Variants in PLEC observed in about 807,000 individuals in gnomAD.
PLEC encodes the protein plectin.
A neutral mutation model predicts 392.8 loss-of-function variants in PLEC; 216 were observed. The observed-to-expected ratio is 0.55, with a 90% confidence interval of 0.49 to 0.62. The LOEUF (loss-of-function observed/expected upper bound fraction) is 0.62, where lower values mean the gene tolerates loss of function less well. Ranked by LOEUF, PLEC falls within the 20% of genes least tolerant of loss-of-function variation. The pLI is 0.00. For synonymous variants in PLEC, 3,621 were observed against 2,980.6 expected, an observed-to-expected ratio of 1.21 and a Z score of -7.00; for missense variants, 6,863 against 6,563.4, an observed-to-expected ratio of 1.05 and a Z score of -1.58.
At chr8:143,941,296 A>C (rs1830411189), upstream of PLEC, among the ~76,000 whole-genome samples, 2 of 152,202 alleles carry the variant, frequency 1.3e-5, no homozygotes, top group African/African-American at 4.8e-5. Flanking sequence ...AGTCCACGAC[A>C]GCTGGAAACT....
upstream of PLEC, among the ~76,000 whole-genome samples, chr8:143,954,560 A>G (rs574698336): frequency 2.6e-5 from 4 of 151,562 alleles, no homozygotes; most frequent in South Asian, 8.4e-4. This position sits in a 1 kb window ranked among gnomAD's most constrained non-coding sequence, Gnocchi z 4.6. Flanking sequence ...CCCACCCCCC[A>G]CGACCACCAG....
chr8:143,947,892 G>C (rs895007069), intron 1 of PLEC, among the ~76,000 whole-genome samples: 2 of 152,156 alleles, frequency 1.3e-5, no homozygotes, highest in African/African-American at 4.8e-5. Context: ...CTGGCCTTCC[G>C]GCCTCCCTCT....
chr8:143,964,437 A>G (rs782010803), intron 1 of PLEC, among the ~76,000 whole-genome samples: 4 of 152,042 alleles, frequency 2.6e-5, no homozygotes, highest in Non-Finnish European at 4.4e-5. Flanking sequence ...CACAGGGGAG[A>G]GGGCCACGGG....
chr8:143,932,776 C>A lies in PLEC; in HGVS notation c.1737+17G>T. The A allele has an allele frequency of 6.2e-7, 1 of 1,611,268 alleles. No individual in the cohort carries two copies. The highest frequency in any genetic ancestry group is 2.2e-5 in the East Asian group (1 of 44,800). On this transcript the variant is annotated intron_variant, in intron 14 of 31. Coordinates refer to ENST00000345136, the MANE Select transcript of PLEC (RefSeq NM_201384.3). ...CCCGGCCCACCCCCGCACTGCCCAT[C>A]GCTCAGCGCCACCCACCTCGTCACT...
At chr8:143,934,243 C>CGGGGA (rs1828305332) in intron 11 of PLEC, 75 bp downstream of exon 11, 2 of 1,600,684 alleles carry the variant, frequency 1.2e-6, no homozygotes, top group East Asian at 4.5e-5. Flanking sequence ...GGGGGCGGGG[C>CGGGGA]GGGGAGGGGG....
In PLEC at chr8:143,934,000, A is replaced by G. The variant is rs2132009259; in HGVS notation, c.1261T>C (p.Ser421Pro). The change falls in exon 12 of 32, where the codon TCG becomes CCG. Residue 421 changes from serine to proline, a missense_variant and splice_region_variant. Transcript: ENST00000345136. ...CTGCCTGCCCCACACCCCCTCACCG[A>G]CTGCAGCAGGGCGTCGGCCTGGTTC... is the stretch of plus-strand genomic sequence containing the variant. ...QLNQADALLQ[S>P]DVRLLAAGKV... is the part of the protein sequence containing the mutation. 1 of 1,601,320 alleles carries G rather than the reference A, an allele frequency of 6.2e-7. No individual in the cohort carries two copies. The highest frequency in any genetic ancestry group is 1.7e-4 in the Middle Eastern group (1 of 6,016).
chr8:143,920,838 C>T lies in PLEC; in HGVS notation c.8983G>A (p.Glu2995Lys), dbSNP rs375589064. ...CCTCGCTGCAGCTGCTGGTAGAGCT[C>T]GCGGTCGATGACCCTGCTCTCCAGC... is the stretch of plus-strand genomic sequence containing the variant. ...ELLESRVIDR[E>K]LYQQLQRGER... Residue 2995 changes from glutamate to lysine, a missense_variant, in exon 32 of 32, where the codon GAG becomes AAG. Physicochemically the swap from Glu to Lys is moderately conservative, Grantham distance 56 (BLOSUM62 1). Coordinates refer to ENST00000345136, the MANE Select transcript of PLEC (RefSeq NM_201384.3). The T allele has an allele frequency of 1.7e-5, 27 of 1,608,688 alleles. No homozygotes were observed. The highest frequency in any genetic ancestry group is 8.9e-5 in the East Asian group (4 of 44,878).
rs782223828 is a variant in PLEC at position 143,927,979 on chromosome 8, T to A, written c.3274A>T (p.Ser1092Cys). Residue 1092 changes from serine to cysteine, a missense_variant, in exon 26 of 32, where the codon AGC becomes TGC. Ser to Cys is a moderately radical substitution (Grantham distance 112). Transcript: ENST00000345136. ...AIYLEKLKTI[S>C]LVIRGTQGAE... ...CCCTGCGTGCCGCGGATCACCAGGC[T>A]GATGGTCTTGAGCCTGGCGGGAAAG... The A allele has an allele frequency of 6.3e-7, 1 of 1,599,620 alleles. No individual in the cohort carries two copies. Among genetic ancestry groups the A allele is most frequent in the South Asian group, 1.1e-5 (1 of 90,738 alleles).
chr8:143,943,053 G>A (rs1830797606), upstream of PLEC, among the ~76,000 whole-genome samples: 1 of 152,172 alleles, frequency 6.6e-6, no homozygotes, highest in South Asian at 2.1e-4. Flanking sequence ...TCCCATCCTG[G>A]CAGCTGAGTC....
chr8:143,931,018 C>A (rs1554714629), intron 19 of PLEC, among the ~76,000 whole-genome samples: 1 of 152,188 alleles, frequency 6.6e-6, no homozygotes, highest in African/African-American at 2.4e-5. Context: ...CTGGGTGATC[C>A]CACCCCTGCT....
At chr8:143,926,703 G>A (rs2131561581) in intron 30 of PLEC, 81 bp downstream of exon 30, 1 of 1,197,968 alleles carries the variant, frequency 8.3e-7, no homozygotes, top group East Asian at 2.3e-5. Flanking sequence ...GGTGGCCTCA[G>A]GCAGCTCCTG....
upstream of PLEC, among the ~76,000 whole-genome samples, chr8:143,957,470 G>A (rs1832655435): frequency 6.6e-6 from 1 of 152,204 alleles, no homozygotes; most frequent in Non-Finnish European, 1.5e-5. Context: ...GTGCCATCAG[G>A]TCTCCTGGCC....
Position 143,918,588 on chromosome 8 carries a change from CCA to C in PLEC, c.11231_11232del (p.Val3744GlyfsTer2), listed in dbSNP as rs1371952373. On this transcript the variant is annotated frameshift_variant, in exon 32 of 32. Coordinates refer to ENST00000345136, the MANE Select transcript of PLEC (RefSeq NM_201384.3). LOFTEE classifies it high-confidence loss of function. ...LDPVKGERLT[V>X]DEAVRKGLVG... Reference sequence around the variant, plus strand: ...ACGAGGCCCTTCCGCACAGCCTCATCCACAGTCAGCCGCTCCCCCTTCACCGG... The same window carrying C: ...ACGAGGCCCTTCCGCACAGCCTCATCCAGTCAGCCGCTCCCCCTTCACCGG... 1 of 1,612,308 alleles carries C rather than the reference CCA, an allele frequency of 6.2e-7. No homozygotes were observed. The highest frequency in any genetic ancestry group is 8.5e-7 in the Non-Finnish European group (1 of 1,179,930).
Position 143,916,737 on chromosome 8 carries a change from G to A in PLEC, c.13084C>T (p.Pro4362Ser). ...AQKAFCGFEDPRTKTKMSAAQ... is the reference protein window; with the variant it reads ...AQKAFCGFEDSRTKTKMSAAQ... ...GCCGACATCTTGGTCTTGGTGCGTGGGTCCTCGAAGCCGCAGAAGGCCTTC... is the reference window on the plus strand; with the variant it reads ...GCCGACATCTTGGTCTTGGTGCGTGAGTCCTCGAAGCCGCAGAAGGCCTTC... Residue 4362 changes from proline (P) to serine (S), a missense_variant, in exon 32 of 32, where the codon CCA becomes TCA. Transcript: ENST00000345136. The A allele has an allele frequency of 1.2e-6, 2 of 1,613,142 alleles. No homozygotes were observed. Among genetic ancestry groups the A allele is most frequent in the Non-Finnish European group, 1.7e-6 (2 of 1,179,968 alleles).
chr8:143,953,042 A>G (rs55786556), upstream of PLEC, among the ~76,000 whole-genome samples: 48,175 of 123,474 alleles, frequency 0.39, 8,985 homozygotes, highest in Middle Eastern at 0.42. Context: ...CCCCCCCCGA[A>G]GCACACACAC....
Position 143,929,277 on chromosome 8 carries a change from G to A in PLEC, c.3086C>T (p.Ala1029Val), listed in dbSNP as rs1554710595. ...CAQRIAEQQK[A>V]QAEVEGLGKG... ...GCCCAGCCCCTCCACCTCTGCCTGT[G>A]CCTTCTGCAAAGACAGGGAGTGGGA... The change falls in exon 25 of 32, where the codon GCA becomes GTA. Residue 1029 changes from alanine to valine, a missense_variant. Physicochemically the swap from Ala to Val is moderately conservative, Grantham distance 64. Transcript: ENST00000345136. 2.6e-5 allele frequency: 41 copies of A among 1,600,482 alleles called. No homozygotes were observed. Among genetic ancestry groups the A allele is most frequent in the Non-Finnish European group, 3.5e-5 (41 of 1,179,566 alleles).
chr8:143,953,417 G>C (rs1554737991), upstream of PLEC, among the ~76,000 whole-genome samples: 2 of 152,010 alleles, frequency 1.3e-5, no homozygotes, highest in East Asian at 3.9e-4. Flanking sequence ...CTGCTGTGAA[G>C]GCTGAGCTCC....
At chr8:143,950,196 C>A in exon 1 of PLEC, 1 of 1,524,650 alleles carries the variant, frequency 6.6e-7, no homozygotes, top group Non-Finnish European at 8.8e-7. Context: ...GTGGCTGGGG[C>A]AGGCTCCGGG....
At chr8:143,941,208 C>T (rs1830396900), upstream of PLEC, among the ~76,000 whole-genome samples, 1 of 152,142 alleles carries the variant, frequency 6.6e-6, no homozygotes, top group Admixed American at 6.5e-5. Context: ...CAGGTGGCTC[C>T]TGCCTGCAGG....
Sources: allele counts gnomAD v4.1 joint callset (sites outside exome capture counted in the v4.1 genomes callset), GRCh38; gene constraint gnomAD v4.1.1; non-coding constraint Gnocchi (gnomAD v3.1); transcripts MANE v1.5; gene names NCBI Gene and HGNC (gene_info 2026-07-23, HGNC 2026-07-21).